Variants in CABIN1 observed in about 807,000 individuals in gnomAD.
CABIN1 encodes the protein calcineurin-binding protein cabin-1.
A neutral mutation model predicts 227.7 loss-of-function variants in CABIN1; 133 were observed. The ratio of observed to expected loss-of-function variants is 0.58; its 90% CI spans 0.51 to 0.67. CABIN1 has a LOEUF of 0.67. Ranked by LOEUF, CABIN1 falls within the 30% of genes least tolerant of loss-of-function variation. The pLI, the probability that CABIN1 is intolerant of heterozygous loss-of-function variation, is 0.00. For synonymous variants in CABIN1, 1,086 were observed against 1,155.1 expected (o/e 0.94, Z 1.21); for missense variants, 2,408 against 2,852.5 (o/e 0.84, Z 3.55).
At chr22:24,038,599 T>G in intron 4 of CABIN1, 138 bp downstream of exon 4, 1 of 691,004 alleles carries the variant, frequency 1.4e-6, no homozygotes, top group Non-Finnish European at 2.6e-6. Flanking sequence ...TCTCTGCCCC[T>G]ATTTCCCCAC....
chr22:24,061,852 A>T, intron 12 of CABIN1, 95 bp from the exon 13 acceptor site: 1 of 846,626 alleles, frequency 1.2e-6, no homozygotes, highest in Non-Finnish European at 2.0e-6. Flanking sequence ...TTTTATCAAA[A>T]AGTATAGTTT....
At chr22:24,059,397 G>C in intron 11 of CABIN1, 34 bp downstream of exon 11, 1 of 1,612,878 alleles carries the variant, frequency 6.2e-7, no homozygotes, top group Non-Finnish European at 8.5e-7. Context: ...TTCACTTTGG[G>C]AATTCTTCTT....
chr22:24,073,524 T>C (rs576384402), intron 18 of CABIN1, among the ~76,000 whole-genome samples: 4 of 152,224 alleles, frequency 2.6e-5, no homozygotes, highest in Admixed American at 1.3e-4. Context: ...TATTCACTGC[T>C]CAGAAAGTTA....
intron 12 of CABIN1, among the ~76,000 whole-genome samples, chr22:24,060,900 C>CA (rs200109765): frequency 3.5e-4 from 51 of 146,158 alleles, no homozygotes; most frequent in Admixed American, 6.8e-4. Flanking sequence ...ACTCTTGTCT[C>CA]AAAAAAAAAA....
At chr22:24,073,122 T>G (rs565970425) in intron 18 of CABIN1, among the ~76,000 whole-genome samples, 18 of 152,234 alleles carry the variant, frequency 1.2e-4, no homozygotes, top group African/African-American at 3.6e-4. Context: ...AGACCCTTAA[T>G]GGAGATGGCA....
chr22:24,142,779 A>G (rs1418146521), intron 29 of CABIN1, among the ~76,000 whole-genome samples: 2 of 152,188 alleles, frequency 1.3e-5, no homozygotes, highest in Admixed American at 1.3e-4. Context: ...CAGGTAAACA[A>G]GCCCCAGGAC....
At chr22:24,108,093 G>A (rs1736990348) in intron 26 of CABIN1, among the ~76,000 whole-genome samples, 1 of 152,226 alleles carries the variant, frequency 6.6e-6, no homozygotes, top group Admixed American at 6.5e-5. Flanking sequence ...CACTAGCCAC[G>A]CCTTTGTGGG....
chr22:24,149,516 AG>A (rs1324380593), intron 29 of CABIN1, among the ~76,000 whole-genome samples: 3 of 152,246 alleles, frequency 2.0e-5, no homozygotes, highest in Non-Finnish European at 2.9e-5. Flanking sequence ...GGAGAAGGTG[AG>A]ATGGATCAGG....
rs143327637 is a variant in CABIN1, at chr22:24,134,379, G to T, written c.4710G>T (p.Gly1570=). 5,161 of 1,614,108 alleles carry T rather than the reference G, an allele frequency of 3.2e-3. 20 individuals are homozygous for T. The highest frequency in any genetic ancestry group is 4.2e-3 in the South Asian group (378 of 91,078). Residue 1570 remains glycine (G), a synonymous_variant, in exon 29 of 37, where the codon GGG becomes GGT. Coordinates refer to ENST00000263119, the MANE Select transcript of CABIN1 (RefSeq NM_012295.4). ...AACTGCAGCACATGCCGGCACAGGGGCTCTTCTGCGAGAGGAACAAGACCA... is the reference window on the plus strand; with the variant it reads ...AACTGCAGCACATGCCGGCACAGGGTCTCTTCTGCGAGAGGAACAAGACCA... ...WQQLQHMPAQ[G]LFCERNKTNF... is the part of the protein sequence containing the mutation.
chr22:24,036,255 T>G (rs2036878750), intron 3 of CABIN1, 74 bp downstream of exon 3: 1 of 1,062,828 alleles, frequency 9.4e-7, no homozygotes, highest in Non-Finnish European at 1.5e-6. Context: ...TAAATACATT[T>G]AGGCATCTCC....
At chr22:24,018,455 A>G (rs2035466015) in intron 1 of CABIN1, among the ~76,000 whole-genome samples, 1 of 152,114 alleles carries the variant, frequency 6.6e-6, no homozygotes, top group Non-Finnish European at 1.5e-5. Flanking sequence ...TTCATTTTTT[A>G]TCATTTAGAT....
intron 23 of CABIN1, 42 bp from the exon 24 acceptor site, chr22:24,091,541 G>T (rs762459984): frequency 9.3e-6 from 15 of 1,613,920 alleles, no homozygotes; most frequent in Non-Finnish European, 1.2e-5. Context: ...CCCTGGGCAG[G>T]TTCAGGCGTA....
At chr22:24,028,726 G>T (rs1424671911) in intron 1 of CABIN1, among the ~76,000 whole-genome samples, 1 of 152,132 alleles carries the variant, frequency 6.6e-6, no homozygotes, top group Non-Finnish European at 1.5e-5. Context: ...TGCTTGACTT[G>T]TGGTACTTCT....
Position 24,166,823 on chromosome 22 carries a change from G to T in CABIN1, c.5192G>T (p.Arg1731Leu). The T allele has an allele frequency of 6.2e-7, 1 of 1,613,068 alleles. No individual in the cohort carries two copies. Among genetic ancestry groups the T allele is most frequent in the Non-Finnish European group, 8.5e-7 (1 of 1,179,972 alleles). Residue 1731 changes from arginine (R) to leucine (L), a missense_variant, in exon 32 of 37, where the codon CGG becomes CTG. By Grantham distance (102) the Arg-to-Leu change is moderately radical. This residue lies in a region of CABIN1 where 714 missense variants were observed against 773.8 expected (regional missense o/e 0.92). Transcript: ENST00000263119. ...GGCAAAGTGGGCCTCCTCAACCACC[G>T]GCCTGTGGCCATGGATGCAGGAGAC... The part of the protein sequence containing the change: ...PGGKVGLLNH[R>L]PVAMDAGDSA...
intron 26 of CABIN1, among the ~76,000 whole-genome samples, chr22:24,111,123 A>T (rs913586810): frequency 6.6e-6 from 1 of 152,192 alleles, no homozygotes; most frequent in Non-Finnish European, 1.5e-5. Context: ...TCCTCAACTT[A>T]CAATGGGGTT....
In CABIN1 at chr22:24,056,225, G is replaced by T. The variant is rs1289244291; in HGVS notation, c.1127G>T (p.Gly376Val). The change falls in exon 10 of 37, where the codon GGG becomes GTG. Residue 376 changes from glycine (G) to valine (V), a missense_variant. Transcript: ENST00000263119. ...DISGGDKSKK[G>V]VKRKKISEES... ...TCTGGGGGAGATAAATCCAAGAAAG[G>T]GGTAAAACGGAAGAAGATTTCAGAA... 1 of 1,614,064 alleles carries T rather than the reference G, an allele frequency of 6.2e-7. No homozygotes were observed. The highest frequency in any genetic ancestry group is 1.3e-5 in the African/African-American group (1 of 75,046).
Position 24,095,981 on chromosome 22 carries a change from T to A in CABIN1, c.3837T>A (p.Asp1279Glu), listed in dbSNP as rs1056048050. ...ASILKLLGKP[D>E]SGVGAEVLVN... ...TCCTGAAGCTCCTGGGGAAGCCCGA[T>A]TCTGGGGTTGGTGCAGAGGTCCTGG... The change falls in exon 25 of 37, where the codon GAT (aspartate) becomes GAA (glutamate). Residue 1279 changes from aspartate (D) to glutamate (E), a missense_variant. Coordinates refer to ENST00000263119, the MANE Select transcript of CABIN1 (RefSeq NM_012295.4). 6.2e-7 allele frequency: 1 copy of A among 1,614,070 alleles called. No individual in the cohort carries two copies.
chr22:24,068,910 G>A (rs1001604527), intron 16 of CABIN1, among the ~76,000 whole-genome samples: 2 of 152,292 alleles, frequency 1.3e-5, no homozygotes, highest in Admixed American at 6.5e-5. Flanking sequence ...GGGGTGCCTG[G>A]CACTGGGCCA....
In CABIN1 at chr22:24,060,158, C is replaced by T; in HGVS notation, c.1617+17C>T. Reference sequence around the variant, plus strand: ...CACATCAAGGTTAGGGGGAGCCTCTCAAGGGCTGGTATTGAACTGGGACCA... The same window carrying T: ...CACATCAAGGTTAGGGGGAGCCTCTTAAGGGCTGGTATTGAACTGGGACCA... On this transcript the variant is annotated intron_variant, in intron 12 of 36. Transcript: ENST00000263119. The T allele has an allele frequency of 6.2e-7, 1 of 1,609,086 alleles. No individual in the cohort carries two copies. The highest frequency in any genetic ancestry group is 8.5e-7 in the Non-Finnish European group (1 of 1,177,200).
Sources: allele counts gnomAD v4.1 joint callset (sites outside exome capture counted in the v4.1 genomes callset), GRCh38; gene constraint gnomAD v4.1.1; regional missense constraint gnomAD v4.1.1; transcripts MANE v1.5; gene names NCBI Gene and HGNC (gene_info 2026-07-23, HGNC 2026-07-21).